The following TNRC6B variants were observed in gnomAD, a reference collection of about 807,000 sequenced individuals.
TNRC6B encodes trinucleotide repeat containing adaptor 6B.
In TNRC6B, 52 loss-of-function variants were observed where a neutral mutation model predicts 203.6. The observed-to-expected ratio is 0.26, with a 90% CI of 0.20 to 0.32. TNRC6B has a LOEUF of 0.32. Ranked by LOEUF, TNRC6B falls within the 10% of genes least tolerant of loss-of-function variation. The pLI is 1.00. For missense variants in TNRC6B, 1,923 were observed against 2,286.2 expected (o/e 0.84, Z 3.24); for synonymous variants, 838 against 845.7 (o/e 0.99, Z 0.16).
chr22:40,195,277 T>C (rs1269630814), intron 1 of TNRC6B, among the ~76,000 whole-genome samples: 1 of 152,216 alleles, frequency 6.6e-6, no homozygotes, highest in Non-Finnish European at 1.5e-5. Context: ...AGTTTAGATA[T>C]TTCAGATATT....
intron 1 of TNRC6B, among the ~76,000 whole-genome samples, chr22:40,046,407 C>G (rs2067688110): frequency 6.6e-6 from 1 of 152,216 alleles, no homozygotes; most frequent in Non-Finnish European, 1.5e-5. Flanking sequence ...ACAAATCAGA[C>G]TGGCTTGTCC....
Position 40,334,833 on chromosome 22 carries a change from A to G in TNRC6B, c.*11592A>G, listed in dbSNP as rs536879682. On this transcript the variant is annotated 3_prime_UTR_variant, in exon 23 of 23. Transcript: ENST00000454349. ...GTCTCTCTTTGCCCCCTTTAGACAG[A>G]AGGTGCAGAAAAGGGCATCAAAAAG... is the stretch of plus-strand genomic sequence containing the variant. 2.0e-5 allele frequency: 3 copies of G among 152,650 alleles called. No homozygotes were observed. The highest frequency in any genetic ancestry group is 7.2e-5 in the African/African-American group (3 of 41,548). 9.5% of individuals were successfully genotyped at this position (152,650 alleles called of 1,614,324 possible). A position where few individuals can be genotyped will look rare whatever the true frequency, so the allele number is the denominator to read the frequency against.
intron 1 of TNRC6B, among the ~76,000 whole-genome samples, chr22:40,113,251 G>A (rs1483892541): frequency 6.6e-6 from 1 of 152,230 alleles, no homozygotes; most frequent in Non-Finnish European, 1.5e-5. Context: ...GTGAAGTAGG[G>A]AGTGGCCTAA....
At chr22:40,230,286 T>C (rs954524698) in intron 1 of TNRC6B, among the ~76,000 whole-genome samples, 11 of 147,480 alleles carry the variant, frequency 7.5e-5, no homozygotes, top group East Asian at 2.0e-4. Flanking sequence ...CATCTTCTTT[T>C]TTTTTTTTTT....
At chr22:40,283,277 A>G (rs2070741224) in intron 11 of TNRC6B, among the ~76,000 whole-genome samples, 1 of 152,136 alleles carries the variant, frequency 6.6e-6, no homozygotes, top group African/African-American at 2.4e-5. Context: ...TGACCTCGTG[A>G]TCCGCCCGCC....
chr22:40,283,419 A>C (rs1691117644), intron 11 of TNRC6B, among the ~76,000 whole-genome samples: 1 of 152,156 alleles, frequency 6.6e-6, no homozygotes, highest in African/African-American at 2.4e-5. Context: ...AGCCTCCCAA[A>C]ATGGTAGGAT....
At chr22:40,211,879 G>A (rs1262640561) in intron 1 of TNRC6B, among the ~76,000 whole-genome samples, 2 of 152,226 alleles carry the variant, frequency 1.3e-5, no homozygotes, top group Non-Finnish European at 2.9e-5. Context: ...CAGACTGACT[G>A]CAAAGCCTGA....
intron 1 of TNRC6B, among the ~76,000 whole-genome samples, chr22:40,085,549 T>C (rs2062523975): frequency 6.6e-6 from 1 of 152,214 alleles, no homozygotes; most frequent in Non-Finnish European, 1.5e-5. Flanking sequence ...GCTAATTGTG[T>C]CCATTCAGAG....
At chr22:40,239,869 G>T (rs899032580) in intron 1 of TNRC6B, among the ~76,000 whole-genome samples, 2 of 151,678 alleles carry the variant, frequency 1.3e-5, no homozygotes, top group Non-Finnish European at 2.9e-5. Context: ...ACCGAGTCTC[G>T]CTTTGTCTCC....
intron 1 of TNRC6B, among the ~76,000 whole-genome samples, chr22:40,083,760 AAG>A (rs773413759): frequency 2.0e-5 from 3 of 152,108 alleles, no homozygotes; most frequent in Non-Finnish European, 4.4e-5. Context: ...AAATAGGGGA[AAG>A]AGGGGAAAAT....
chr22:40,061,871 C>T (rs1404375022), intron 1 of TNRC6B, among the ~76,000 whole-genome samples: 3 of 151,918 alleles, frequency 2.0e-5, no homozygotes, highest in South Asian at 4.2e-4. Context: ...GTCAGGAGTT[C>T]GAGACCAGCC....
chr22:40,141,960 C>T (rs1186038245), intron 3 of TNRC6B, among the ~76,000 whole-genome samples: 1 of 150,746 alleles, frequency 6.6e-6, no homozygotes, highest in African/African-American at 2.4e-5. Context: ...ATTTTTAGTA[C>T]CGTGTTAGCC....
chr22:40,107,720 A>T (rs2068298940), intron 1 of TNRC6B, among the ~76,000 whole-genome samples: 1 of 152,090 alleles, frequency 6.6e-6, no homozygotes, highest in African/African-American at 2.4e-5. Flanking sequence ...GGAAAAAATT[A>T]AATTAAAAAA....
rs35575346 is a variant in TNRC6B at position 40,269,126 on chromosome 22, C to CT, written c.2807-969dup. On this transcript the variant is annotated intron_variant, in intron 5 of 22. Transcript: ENST00000454349. ...CTTAATTGCTTCATATACAGTATTT[C>CT]TTTTTTTTTTTTTTTTTTTTTTTTT... is the stretch of plus-strand genomic sequence containing the variant. Among the ~76,000 whole-genome samples the CT allele has an allele frequency of 3.9e-3, 227 of 57,888 alleles. 35 individuals carry two copies. Among genetic ancestry groups the CT allele is most frequent in the Middle Eastern group, 0.017 (1 of 58 alleles). 38.0% of individuals were successfully genotyped at this position (57,888 alleles called of 152,430 possible). A position where few individuals can be genotyped will look rare whatever the true frequency, so the allele number is the denominator to read the frequency against.
At chr22:40,286,657 A>C (rs562834004) in intron 12 of TNRC6B, among the ~76,000 whole-genome samples, 1 of 152,348 alleles carries the variant, frequency 6.6e-6, no homozygotes, top group South Asian at 2.1e-4. Context: ...CTTATTCATG[A>C]GCAGCTCTGT....
intron 3 of TNRC6B, among the ~76,000 whole-genome samples, chr22:40,144,215 G>T (rs2068670858): frequency 1.3e-5 from 2 of 152,140 alleles, no homozygotes; most frequent in Admixed American, 1.3e-4. Flanking sequence ...ATTCTCTTAG[G>T]TGTATACTCC....
chr22:40,238,349 G>T (rs1257490515), intron 1 of TNRC6B, among the ~76,000 whole-genome samples: 1 of 152,124 alleles, frequency 6.6e-6, no homozygotes. Flanking sequence ...AGAATGAGAG[G>T]TTTTGGAAGT....
intron 8 of TNRC6B, 108 bp from the exon 9 acceptor site, chr22:40,277,891 C>T: frequency 3.8e-6 from 3 of 787,384 alleles, no homozygotes; most frequent in East Asian, 2.7e-5. Flanking sequence ...TTTCAGAGAA[C>T]CTTCTATGGT....
rs1436622286 is a variant in TNRC6B at position 40,270,266 on chromosome 22, A to G, written c.2951A>G (p.Asn984Ser). The change falls in exon 6 of 23, where the codon AAT becomes AGT. Residue 984 changes from asparagine to serine, a missense_variant. By Grantham distance (46) the Asn-to-Ser change is conservative. Around this residue, in one of 8 missense-constraint regions of TNRC6B, gnomAD observed 599 missense variants for 656.5 expected, o/e 0.91. Transcript: ENST00000454349. ...GGGAACACGCCCGCCAACGCTCCCA[A>G]TGCCATGAAGCCTAGTAAGTGTGAA... ...GWGNTPANAP[N>S]AMKPNSKSMQ... 3.4e-6 allele frequency: 5 copies of G among 1,461,142 alleles called. No individual in the cohort carries two copies. The highest frequency in any genetic ancestry group is 4.5e-6 in the Non-Finnish European group (5 of 1,101,414). 90.5% of individuals were successfully genotyped at this position (1,461,142 alleles called of 1,614,324 possible).
Sources: gnomAD v4.1 joint callset for allele counts (sites outside exome capture counted in the v4.1 genomes callset) on GRCh38, gnomAD v4.1.1 for gene constraint, gnomAD v4.1.1 regional missense constraint, MANE v1.5 for transcripts, NCBI Gene and HGNC (gene_info 2026-07-23, HGNC 2026-07-21) for gene names.